Variants in COL6A6 observed in about 807,000 individuals in gnomAD.
COL6A6 encodes collagen alpha-6(VI) chain.
COL6A6 carries 183 observed loss-of-function variants against 208.6 expected under a neutral mutation model. That is an observed-to-expected ratio of 0.88 (90% CI 0.78 to 0.99). The LOEUF is 0.99. COL6A6 is among the 50% of genes least tolerant of loss of function. COL6A6 has a pLI of 0.00. For synonymous variants in COL6A6, 973 were observed against 1,011.8 expected, an observed-to-expected ratio of 0.96 and a Z score of 0.73; for missense variants, 2,816 against 2,815.2, an observed-to-expected ratio of 1.00 and a Z score of -0.01.
At chr3:130,612,844 C>T (rs1415523385) in intron 23 of COL6A6, among the ~76,000 whole-genome samples, 3 of 152,126 alleles carry the variant, frequency 2.0e-5, no homozygotes, top group Admixed American at 6.5e-5. Flanking sequence ...GAAAATTGTT[C>T]ATATCCTTTG....
rs894686217 is a variant in COL6A6, at chr3:130,672,694, G to A, written c.6597-2508G>A. 2.6e-5 allele frequency among the ~76,000 whole-genome samples: 4 copies of A among 151,348 alleles called. No individual in the cohort carries two copies. In the East Asian group the frequency reaches 6.1e-4, roughly 23 times the overall value. ...GCTAGGATTACAGGCGTGAGCCACC[G>A]CGCCCGGCCCAAATGATTTTTATTA... is the stretch of plus-strand genomic sequence containing the variant. On this transcript the variant is annotated intron_variant, in intron 36 of 36. Transcript: ENST00000358511.
At chr3:130,522,931 C>T (rs1711158360) in intron 1 of COL6A6, among the ~76,000 whole-genome samples, 1 of 151,336 alleles carries the variant, frequency 6.6e-6, no homozygotes, top group African/African-American at 2.4e-5. Flanking sequence ...TCTAGTCATG[C>T]CCCTCTTGTA....
chr3:130,664,752 C>A (rs1219231435), intron 35 of COL6A6, among the ~76,000 whole-genome samples: 1 of 152,150 alleles, frequency 6.6e-6, no homozygotes, highest in African/African-American at 2.4e-5. Context: ...ATGGTTGACC[C>A]GCTTTAGCAG....
At chr3:130,609,986 C>A (rs937930847) in intron 22 of COL6A6, among the ~76,000 whole-genome samples, 1 of 139,498 alleles carries the variant, frequency 7.2e-6, no homozygotes, top group Admixed American at 7.4e-5. Flanking sequence ...AACCTTCAAG[C>A]GAGAAATAGT....
At chr3:130,542,319 T>C (rs2062387996) in intron 1 of COL6A6, among the ~76,000 whole-genome samples, 1 of 152,170 alleles carries the variant, frequency 6.6e-6, no homozygotes, top group Non-Finnish European at 1.5e-5. Context: ...TTTATCGCCA[T>C]GTGTTTTGGT....
In COL6A6 at chr3:130,634,098, C is replaced by G. The variant is rs1407549618; in HGVS notation, c.4993-492C>G. Among the ~76,000 whole-genome samples, 2 of 103,294 alleles carry G rather than the reference C, an allele frequency of 1.9e-5. 1 individual carries two copies. Among genetic ancestry groups the G allele is most frequent in the African/African-American group, 1.3e-4 (2 of 15,388 alleles). 67.8% of individuals were successfully genotyped at this position (103,294 alleles called of 152,430 possible). On this transcript the variant is annotated intron_variant, in intron 26 of 36. Coordinates refer to ENST00000358511, the MANE Select transcript of COL6A6 (RefSeq NM_001102608.3). The stretch of plus-strand genomic sequence containing the variant: ...AAAATGCCAGTTACATTCTAAATCC[C>G]TGTAGCAGCATTTCAGGGAAACAGT...
rs1191166334 is a variant in COL6A6, at chr3:130,563,132, C to A, written c.129C>A (p.Phe43Leu). The A allele has an allele frequency of 6.2e-7, 1 of 1,613,972 alleles. No individual in the cohort carries two copies. The highest frequency in any genetic ancestry group is 1.7e-5 in the Admixed American group (1 of 60,018). ...DSSDRLGSKSFPFVKMFITKM... is the reference protein window; with the variant it reads ...DSSDRLGSKSLPFVKMFITKM... ...CTGATCGCCTGGGATCCAAGTCCTT[C>A]CCATTTGTGAAAATGTTCATCACCA... The change falls in exon 3 of 37, where the codon TTC (phenylalanine) becomes TTA (leucine). Residue 43 changes from phenylalanine (F) to leucine (L), a missense_variant. Phe to Leu is a conservative substitution (Grantham distance 22). Coordinates refer to ENST00000358511, the MANE Select transcript of COL6A6 (RefSeq NM_001102608.3).
At chr3:130,675,130 G>T (rs911168329) in intron 36 of COL6A6, 72 bp from the exon 37 acceptor site, 12 of 976,724 alleles carry the variant, frequency 1.2e-5, no homozygotes, top group African/African-American at 9.8e-5. Context: ...AATTTACTAT[G>T]ACAGATTAAT....
intron 31 of COL6A6, among the ~76,000 whole-genome samples, chr3:130,643,466 C>T (rs534639584): frequency 8.5e-5 from 13 of 152,136 alleles, no homozygotes; most frequent in Admixed American, 2.0e-4. Flanking sequence ...ATTCCTTTCC[C>T]GGGAAGATAT....
intron 1 of COL6A6, among the ~76,000 whole-genome samples, chr3:130,553,322 T>C (rs982788895): frequency 6.6e-6 from 1 of 152,230 alleles, no homozygotes; most frequent in Non-Finnish European, 1.5e-5. Flanking sequence ...ATTCCATATT[T>C]CTCTAGGGTT....
Position 130,594,214 on chromosome 3 carries a change from G to T in COL6A6, c.4471-67G>T. On this transcript the variant is annotated intron_variant, in intron 17 of 36. Transcript: ENST00000358511. ...ATTATTCACACCAGGGAGAAGAAAAGCTCTGTTTTTATTAATTTTATTAAA... is the reference window on the plus strand; with the variant it reads ...ATTATTCACACCAGGGAGAAGAAAATCTCTGTTTTTATTAATTTTATTAAA... 3 of 1,201,072 alleles carry T rather than the reference G, an allele frequency of 2.5e-6. No individual in the cohort carries two copies. The East Asian group carries it at 7.1e-5, about 28-fold the overall frequency. 74.4% of individuals were successfully genotyped at this position (1,201,072 alleles called of 1,614,324 possible).
At position 130,592,003 on chromosome 3, in the gene COL6A6, G is replaced by C. The variant is rs148560731; in HGVS notation, c.4273-538G>C. 6.0e-3 allele frequency among the ~76,000 whole-genome samples: 907 copies of C among 152,296 alleles called. 10 individuals carry two copies. The highest frequency in any genetic ancestry group is 0.02 in the African/African-American group (835 of 41,566). ...ACATGGTTAACATGGATGGAACCCAGGTCACTGCAGGAGGAAGATATATGT... is the reference window on the plus strand; with the variant it reads ...ACATGGTTAACATGGATGGAACCCACGTCACTGCAGGAGGAAGATATATGT... On this transcript the variant is annotated intron_variant, in intron 13 of 36. Transcript: ENST00000358511.
chr3:130,539,240 A>G (rs1440352672), intron 1 of COL6A6, among the ~76,000 whole-genome samples: 1 of 152,234 alleles, frequency 6.6e-6, no homozygotes, highest in East Asian at 1.9e-4. Context: ...GCTCAGTGAC[A>G]ACTTCTCAAT....
At chr3:130,617,528 T>C (rs975789919) in intron 23 of COL6A6, among the ~76,000 whole-genome samples, 1 of 152,172 alleles carries the variant, frequency 6.6e-6, no homozygotes, top group Non-Finnish European at 1.5e-5. Flanking sequence ...GGTTGGAGTG[T>C]AGAATGCATG....
chr3:130,644,608 T>C (rs1338398884), intron 31 of COL6A6, among the ~76,000 whole-genome samples: 1 of 152,212 alleles, frequency 6.6e-6, no homozygotes, highest in African/African-American at 2.4e-5. Flanking sequence ...TGTGTACATA[T>C]ATATAAATGA....
intron 21 of COL6A6, 23 bp downstream of exon 21, chr3:130,606,989 C>A: frequency 6.3e-7 from 1 of 1,583,970 alleles, no homozygotes; most frequent in Non-Finnish European, 8.6e-7. Flanking sequence ...TTCCCCTTAA[C>A]TCCAAATAAC....
intron 35 of COL6A6, among the ~76,000 whole-genome samples, chr3:130,663,188 T>C (rs190034104): frequency 1.1e-4 from 16 of 152,306 alleles, no homozygotes; most frequent in Non-Finnish European, 2.1e-4. Flanking sequence ...CACAGACTTA[T>C]CAGTCAGTGT....
intron 20 of COL6A6, among the ~76,000 whole-genome samples, chr3:130,601,391 T>C (rs2064015383): frequency 6.6e-6 from 1 of 152,174 alleles, no homozygotes; most frequent in Non-Finnish European, 1.5e-5. Flanking sequence ...TGAAAAGAGA[T>C]CGTTTAAAAT....
chr3:130,653,412 A>C (rs998566487), intron 33 of COL6A6, among the ~76,000 whole-genome samples: 1 of 152,178 alleles, frequency 6.6e-6, no homozygotes, highest in Admixed American at 6.5e-5. Flanking sequence ...TTTTATTTTG[A>C]AGATAATTTT....
Sources: gnomAD v4.1 joint callset for allele counts (sites outside exome capture counted in the v4.1 genomes callset) on GRCh38, gnomAD v4.1.1 for gene constraint, MANE v1.5 for transcripts, NCBI Gene and HGNC (gene_info 2026-07-23, HGNC 2026-07-21) for gene names.